The following RALGPS1 variants were observed in gnomAD, a reference collection of about 807,000 sequenced individuals.
RALGPS1 encodes ras-specific guanine nucleotide-releasing factor RalGPS1.
Under a neutral mutation model 78.8 loss-of-function variants are expected in RALGPS1, and 19 were observed. The ratio of observed to expected loss-of-function variants is 0.24; its 90% CI spans 0.17 to 0.35. The LOEUF is 0.35. Ranked by LOEUF, RALGPS1 falls within the 10% of genes least tolerant of loss-of-function variation. The pLI is 1.00. For synonymous variants in RALGPS1, 228 were observed against 256.3 expected, an observed-to-expected ratio of 0.89 and a Z score of 1.06; for missense variants, 454 against 688.3, an observed-to-expected ratio of 0.66 and a Z score of 3.81.
rs568653705 is a variant in RALGPS1 at position 127,002,132 on chromosome 9, G to A, written c.216+24387G>A. The stretch of plus-strand genomic sequence containing the variant: ...GAAGGCTACCTCATGCCCCCTCCAA[G>A]TCATCAACTATGTACAAATGTAACC... On this transcript the variant is annotated intron_variant, in intron 4 of 18. Transcript: ENST00000259351. Among the ~76,000 whole-genome samples, 4 of 152,238 alleles carry A rather than the reference G, an allele frequency of 2.6e-5. No individual in the cohort carries two copies. In the South Asian group the frequency reaches 8.3e-4, roughly 32 times the overall value.
chr9:126,941,130 G>GCCCCC (rs11434207), intron 1 of RALGPS1, among the ~76,000 whole-genome samples: 1 of 150,154 alleles, frequency 6.7e-6, no homozygotes, highest in African/African-American at 2.5e-5. Context: ...TCTCATATAC[G>GCCCCC]CCCCCCCCCT....
intron 4 of RALGPS1, among the ~76,000 whole-genome samples, chr9:127,030,701 G>T (rs2046357454): frequency 6.6e-6 from 1 of 151,830 alleles, no homozygotes; most frequent in Non-Finnish European, 1.5e-5. Context: ...GCAGGAAGGA[G>T]AAATTGGAGA....
At chr9:127,202,756 G>A (rs2061703544) in intron 14 of RALGPS1, among the ~76,000 whole-genome samples, 1 of 152,186 alleles carries the variant, frequency 6.6e-6, no homozygotes, top group Admixed American at 6.5e-5. Flanking sequence ...AGAGAGCTAT[G>A]GGCAGGGGTG....
chr9:127,024,950 A>G, intron 4 of RALGPS1, among the ~76,000 whole-genome samples: 1 of 152,118 alleles, frequency 6.6e-6, no homozygotes, highest in Non-Finnish European at 1.5e-5. Flanking sequence ...ATCCAGTAAA[A>G]ATCACCCATT....
chr9:127,060,257 G>A (rs7032500), intron 7 of RALGPS1, among the ~76,000 whole-genome samples: 83,611 of 151,960 alleles, frequency 0.55, 23,702 homozygotes, highest in African/African-American at 0.67. Context: ...AAACTCATCT[G>A]TGAGAAATTG....
chr9:126,952,114 G>A (rs543171182), intron 1 of RALGPS1, among the ~76,000 whole-genome samples: 87 of 152,326 alleles, frequency 5.7e-4, no homozygotes, highest in African/African-American at 1.4e-3. Flanking sequence ...TACAAGGGAC[G>A]TGAAGGACCT....
chr9:127,191,707 T>G (rs1393243510), intron 11 of RALGPS1, among the ~76,000 whole-genome samples: 4 of 148,478 alleles, frequency 2.7e-5, no homozygotes, highest in African/African-American at 7.4e-5. Context: ...TTTGTTTTTT[T>G]TTTTTTTTGA....
At chr9:126,995,705 C>T (rs1292856287) in intron 4 of RALGPS1, among the ~76,000 whole-genome samples, 1 of 152,168 alleles carries the variant, frequency 6.6e-6, no homozygotes, top group Non-Finnish European at 1.5e-5. Context: ...CAGAACTCTC[C>T]ACCCCAAATC....
intron 8 of RALGPS1, among the ~76,000 whole-genome samples, chr9:127,098,783 G>A (rs180989223): frequency 1.3e-5 from 2 of 152,254 alleles, no homozygotes; most frequent in Admixed American, 1.3e-4. Context: ...CCAACACAGG[G>A]CCTTTCTGGT....
At chr9:127,066,805 C>A (rs1589286572) in intron 7 of RALGPS1, among the ~76,000 whole-genome samples, 1 of 152,206 alleles carries the variant, frequency 6.6e-6, no homozygotes, top group East Asian at 1.9e-4. Flanking sequence ...TCCCATAATT[C>A]ATTTATAATA....
chr9:126,978,147 A>C (rs2040859431), intron 4 of RALGPS1: 1 of 158,584 alleles, frequency 6.3e-6, no homozygotes, highest in Non-Finnish European at 1.4e-5. Flanking sequence ...TCTATTTTTG[A>C]AACCAGTTGC....
At chr9:126,934,053 T>A (rs535025) in intron 1 of RALGPS1, among the ~76,000 whole-genome samples, 4,214 of 152,242 alleles carry the variant, frequency 0.028, 52 homozygotes, top group Middle Eastern at 0.048. Flanking sequence ...ACAGCGTGTA[T>A]CCAAAGCATG....
In RALGPS1 at chr9:127,218,896, A is replaced by G. The variant is rs1427290467; in HGVS notation, c.*127A>G. 20 of 1,116,052 alleles carry G rather than the reference A, an allele frequency of 1.8e-5. No homozygotes were observed. The highest frequency in any genetic ancestry group is 2.7e-5 in the Non-Finnish European group (20 of 734,640). The allele number at this position is 1,116,052 out of a possible 1,614,324, so 69.1% of individuals were successfully genotyped here. ...GGAAACTCACAGCTGGACTCAGGGG[A>G]CACGGCCTGTGGCCTCACCATCCCA... is the stretch of plus-strand genomic sequence containing the variant. On this transcript the variant is annotated 3_prime_UTR_variant, in exon 19 of 19. Coordinates refer to ENST00000259351, the MANE Select transcript of RALGPS1 (RefSeq NM_014636.3). This position sits in a 1 kb window ranked among gnomAD's most constrained non-coding sequence, Gnocchi z 4.4.
chr9:127,063,580 A>G (rs532987280), intron 7 of RALGPS1, among the ~76,000 whole-genome samples: 1 of 152,236 alleles, frequency 6.6e-6, no homozygotes, highest in African/African-American at 2.4e-5. Flanking sequence ...TTTGATATTT[A>G]GCTTTTTTTA....
chr9:126,934,252 A>C (rs1021359358), intron 1 of RALGPS1, among the ~76,000 whole-genome samples: 3 of 152,248 alleles, frequency 2.0e-5, no homozygotes, highest in Non-Finnish European at 4.4e-5. Flanking sequence ...TTGAAAGACA[A>C]GTCTTAACCA....
At chr9:127,203,674 TCA>T (rs1213883493) in intron 14 of RALGPS1, among the ~76,000 whole-genome samples, 1 of 152,192 alleles carries the variant, frequency 6.6e-6, no homozygotes, top group African/African-American at 2.4e-5. Flanking sequence ...GGGTCAGAGC[TCA>T]GAGTCTTAAA....
intron 3 of RALGPS1, among the ~76,000 whole-genome samples, chr9:126,973,473 A>T (rs2040313915): frequency 6.6e-6 from 1 of 152,204 alleles, no homozygotes; most frequent in South Asian, 2.1e-4. Flanking sequence ...TACTTGAGTG[A>T]TTAAATTATT....
intron 8 of RALGPS1, among the ~76,000 whole-genome samples, chr9:127,100,616 C>A (rs1229779095): frequency 6.6e-6 from 1 of 152,154 alleles, no homozygotes; most frequent in Admixed American, 6.5e-5. Context: ...TGAGGGAGGT[C>A]TCTGATGTAG....
At chr9:126,928,631 C>T (rs891893501) in intron 1 of RALGPS1, among the ~76,000 whole-genome samples, 1 of 151,710 alleles carries the variant, frequency 6.6e-6, no homozygotes, top group Non-Finnish European at 1.5e-5. Flanking sequence ...GATGGAGTCT[C>T]GCTCTTGTTG....
Sources: gnomAD v4.1 joint callset for allele counts (sites outside exome capture counted in the v4.1 genomes callset) on GRCh38, gnomAD v4.1.1 for gene constraint, Gnocchi (gnomAD v3.1) non-coding constraint, MANE v1.5 for transcripts, NCBI Gene and HGNC (gene_info 2026-07-23, HGNC 2026-07-21) for gene names.